RAPGEF6: variants seen among roughly 807,000 people sequenced by gnomAD.
RAPGEF6 encodes the protein Rap guanine nucleotide exchange factor 6, also known as PDZ domain containing guanine nucleotide exchange factor (GEF) 2.
In RAPGEF6, 56 loss-of-function variants were observed where a neutral mutation model predicts 171.4. The ratio of observed to expected loss-of-function variants is 0.33; its 90% CI spans 0.26 to 0.41. RAPGEF6 has a LOEUF of 0.41. Ranked by LOEUF, RAPGEF6 falls within the 10% of genes least tolerant of loss-of-function variation. The probability of loss-of-function intolerance (pLI) is 1.00; values close to 1 mark genes in which losing one functional copy is unlikely to be tolerated. For missense variants in RAPGEF6, 1,674 were observed against 1,921.4 expected (o/e 0.87, Z 2.41); for synonymous variants, 692 against 650.1 (o/e 1.06, Z -0.98).
intron 1 of RAPGEF6, among the ~76,000 whole-genome samples, chr5:131,619,459 A>G (rs1450539727): frequency 6.6e-6 from 1 of 152,248 alleles, no homozygotes; most frequent in Non-Finnish European, 1.5e-5. Context: ...CTGAGAACTT[A>G]AAGTATAATT....
At chr5:131,566,954 C>T (rs1390948061) in intron 4 of RAPGEF6, among the ~76,000 whole-genome samples, 3 of 151,742 alleles carry the variant, frequency 2.0e-5, no homozygotes, top group South Asian at 2.1e-4. Flanking sequence ...TTTATCTGGG[C>T]GTGGTGGTAT....
intron 3 of RAPGEF6, among the ~76,000 whole-genome samples, chr5:131,597,590 AAGAC>A (rs1763975596): frequency 6.6e-6 from 1 of 152,198 alleles, no homozygotes; most frequent in Non-Finnish European, 1.5e-5. Flanking sequence ...TAAGTGAAAT[AAGAC>A]AGACATAGAG....
At chr5:131,609,008 C>G (rs931836765) in intron 1 of RAPGEF6, among the ~76,000 whole-genome samples, 2 of 152,136 alleles carry the variant, frequency 1.3e-5, no homozygotes, top group African/African-American at 4.8e-5. Context: ...CCAGGCTGGT[C>G]TCGAACTCCT....
At chr5:131,617,196 C>A (rs1765316532) in intron 1 of RAPGEF6, among the ~76,000 whole-genome samples, 2 of 152,168 alleles carry the variant, frequency 1.3e-5, no homozygotes, top group South Asian at 2.1e-4. Context: ...GCAGTCCCAG[C>A]TACTCAGGAG....
At chr5:131,602,204 AAC>A (rs1162833934) in intron 3 of RAPGEF6, among the ~76,000 whole-genome samples, 1 of 152,190 alleles carries the variant, frequency 6.6e-6, no homozygotes, top group African/African-American at 2.4e-5. Flanking sequence ...GAGTGTACTT[AAC>A]ACAAACCTAG....
chr5:131,484,405 T>G (rs1755729739), intron 15 of RAPGEF6, among the ~76,000 whole-genome samples: 1 of 151,728 alleles, frequency 6.6e-6, no homozygotes, highest in African/African-American at 2.4e-5. Flanking sequence ...TTTTGTATTT[T>G]TAGTAGAGAC....
intron 4 of RAPGEF6, among the ~76,000 whole-genome samples, chr5:131,573,478 C>T (rs908179088): frequency 6.6e-6 from 1 of 152,014 alleles, no homozygotes. Flanking sequence ...TGGAGTCACT[C>T]CATTTAAATG....
Position 131,603,383 on chromosome 5 carries a change from T to C in RAPGEF6, c.141-56A>G, listed in dbSNP as rs961694834. ...TTACATTTTGTTTTTAAAATTGTTA[T>C]AATTTGACCTCAACTAATTATTATA... is the stretch of plus-strand genomic sequence containing the variant. On this transcript the variant is annotated intron_variant, in intron 2 of 27. Transcript: ENST00000509018. The C allele has an allele frequency of 5.4e-5, 63 of 1,164,164 alleles. No homozygotes were observed. The African/African-American group carries it at 9.8e-4, about 18-fold the overall frequency. The allele number at this position is 1,164,164 out of a possible 1,614,324, so 72.1% of individuals were successfully genotyped here.
intron 7 of RAPGEF6, among the ~76,000 whole-genome samples, chr5:131,512,374 C>CTTCTT (rs1554077431): frequency 1.4e-5 from 2 of 143,776 alleles, no homozygotes; most frequent in African/African-American, 5.1e-5. Flanking sequence ...TTTTTTTCTT[C>CTTCTT]TTTTTTTTTT....
intron 19 of RAPGEF6, among the ~76,000 whole-genome samples, chr5:131,457,881 TA>T (rs1037461551): frequency 1.3e-5 from 2 of 152,216 alleles, no homozygotes; most frequent in African/African-American, 4.8e-5. Context: ...ATGAGAGATG[TA>T]AAGTTATCAT....
Position 131,492,723 on chromosome 5 carries a change from C to G in RAPGEF6, c.1590G>C (p.Gln530His). ...CGCGGGAAGCCTTTTGCAGCACAAC[C>G]TGTCTCCACTTAGCCTTTGCAGCAC... ...IACAAKAKWR[Q>H]VVLQKASRES... The change falls in exon 14 of 28, where the codon CAG (glutamine) becomes CAC (histidine). Residue 530 changes from glutamine to histidine, a missense_variant. Physicochemically the swap from Gln to His is conservative, Grantham distance 24. Transcript: ENST00000509018. 6.2e-7 allele frequency: 1 copy of G among 1,613,988 alleles called. No homozygotes were observed. Among genetic ancestry groups the G allele is most frequent in the East Asian group, 2.2e-5 (1 of 44,894 alleles).
chr5:131,429,027 G>GC lies in RAPGEF6; in HGVS notation c.4654dup (p.Ala1552GlyfsTer5). The GC allele has an allele frequency of 6.2e-7, 1 of 1,614,176 alleles. No homozygotes were observed. The highest frequency in any genetic ancestry group is 8.5e-7 in the Non-Finnish European group (1 of 1,180,018). ...GGCCACGAGGTTGCTACTGAGAGAA[G>GC]CTGGTGGCAGTCTAGAGAGGCTGTT... On this transcript the variant is annotated frameshift_variant, in exon 27 of 28. Coordinates refer to ENST00000509018, the MANE Select transcript of RAPGEF6 (RefSeq NM_016340.6). LOFTEE classifies it high-confidence loss of function.
At chr5:131,586,969 G>A (rs1285378420) in intron 4 of RAPGEF6, among the ~76,000 whole-genome samples, 2 of 152,238 alleles carry the variant, frequency 1.3e-5, no homozygotes, top group Non-Finnish European at 2.9e-5. Context: ...TGGAGCCACA[G>A]AAGTCTGTGC....
At chr5:131,622,224 T>C (rs1402451810) in intron 1 of RAPGEF6, among the ~76,000 whole-genome samples, 1 of 152,222 alleles carries the variant, frequency 6.6e-6, no homozygotes, top group African/African-American at 2.4e-5. Flanking sequence ...TTAGTTTGGC[T>C]TCTTAACTTG....
chr5:131,510,676 G>T (rs1166114093), intron 7 of RAPGEF6, among the ~76,000 whole-genome samples, 185 bp from the exon 8 acceptor site: 1 of 152,150 alleles, frequency 6.6e-6, no homozygotes, highest in African/African-American at 2.4e-5. Flanking sequence ...AAATTTAGAG[G>T]CTCATCTTTC....
chr5:131,560,513 T>C (rs1392551073), intron 5 of RAPGEF6, among the ~76,000 whole-genome samples: 2 of 152,128 alleles, frequency 1.3e-5, no homozygotes, highest in African/African-American at 4.8e-5. Context: ...AAATACAAAA[T>C]ACAACTAAAA....
At chr5:131,545,371 CT>C (rs1243792225) in intron 6 of RAPGEF6, among the ~76,000 whole-genome samples, 1 of 151,534 alleles carries the variant, frequency 6.6e-6, no homozygotes, top group Non-Finnish European at 1.5e-5. Flanking sequence ...CCCTTCAGCA[CT>C]CTAGAAAGAA....
chr5:131,616,978 T>C (rs1275480482), intron 1 of RAPGEF6, among the ~76,000 whole-genome samples: 4 of 152,320 alleles, frequency 2.6e-5, no homozygotes, highest in Middle Eastern at 6.8e-3. Context: ...ATTCTCTTCT[T>C]AACCTAGAAA....
intron 1 of RAPGEF6, among the ~76,000 whole-genome samples, chr5:131,621,356 C>A (rs945667830): frequency 5.9e-5 from 9 of 152,042 alleles, no homozygotes; most frequent in Non-Finnish European, 1.0e-4. Context: ...GTGGCACGAT[C>A]ACAGCTCACT....
Sources: allele counts gnomAD v4.1 joint callset (sites outside exome capture counted in the v4.1 genomes callset), GRCh38; gene constraint gnomAD v4.1.1; transcripts MANE v1.5; gene names NCBI Gene and HGNC (gene_info 2026-07-23, HGNC 2026-07-21).